KIAA0513: variants seen among roughly 807,000 people sequenced by gnomAD.
The protein encoded by KIAA0513 is uncharacterized protein KIAA0513.
Under a neutral mutation model 56.5 loss-of-function variants are expected in KIAA0513, and 39 were observed. The observed-to-expected ratio is 0.69, with a 90% CI of 0.53 to 0.90. The LOEUF is 0.90. Among genes scored for constraint, KIAA0513 ranks in the 40% least tolerant of loss-of-function variants. The probability of loss-of-function intolerance (pLI) is 0.00; values close to 1 mark genes in which losing one functional copy is unlikely to be tolerated. For synonymous variants in KIAA0513, 268 were observed against 215.6 expected (o/e 1.24, Z -2.13); for missense variants, 591 against 535.2 (o/e 1.10, Z -1.03).
chr16:85,029,135 A>G (rs1029578565), intron 1 of KIAA0513, among the ~76,000 whole-genome samples: 2 of 152,170 alleles, frequency 1.3e-5, no homozygotes, highest in Non-Finnish European at 2.9e-5. Flanking sequence ...CACTTTGTTC[A>G]GAAATAGGAC....
chr16:85,034,734 A>G (rs1358992714), intron 1 of KIAA0513, among the ~76,000 whole-genome samples: 4 of 152,160 alleles, frequency 2.6e-5, no homozygotes, highest in African/African-American at 7.2e-5. Context: ...TGGGGCTGTC[A>G]CTTTAGCCCT....
chr16:85,078,903 G>T (rs1162392632), intron 7 of KIAA0513, 22 bp from the exon 8 acceptor site: 2 of 1,614,024 alleles, frequency 1.2e-6, no homozygotes, highest in Non-Finnish European at 1.7e-6. Flanking sequence ...GCTGCTTTCA[G>T]CCATTCTCTC....
intron 4 of KIAA0513, among the ~76,000 whole-genome samples, chr16:85,073,292 C>T (rs2073606550): frequency 6.6e-6 from 1 of 152,166 alleles, no homozygotes; most frequent in Non-Finnish European, 1.5e-5. Context: ...GCACTGTGGC[C>T]CTGCCCTCCC....
intron 1 of KIAA0513, among the ~76,000 whole-genome samples, chr16:85,033,685 G>A (rs957383789): frequency 3.9e-5 from 6 of 152,136 alleles, no homozygotes; most frequent in Non-Finnish European, 8.8e-5. Context: ...GGATGGGGGA[G>A]GGTAGAGCAG....
intron 1 of KIAA0513, among the ~76,000 whole-genome samples, chr16:85,042,556 T>C (rs966312230): frequency 8.5e-5 from 13 of 152,214 alleles, no homozygotes; most frequent in African/African-American, 3.1e-4. Flanking sequence ...CTTTTAAGCC[T>C]TAAAGTTTCT....
At chr16:85,075,564 C>T (rs1422729373) in intron 4 of KIAA0513, among the ~76,000 whole-genome samples, 1 of 152,174 alleles carries the variant, frequency 6.6e-6, no homozygotes, top group Non-Finnish European at 1.5e-5. Context: ...TGGCTCTGCT[C>T]CTGGGCGTCA....
intron 1 of KIAA0513, among the ~76,000 whole-genome samples, chr16:85,047,702 C>T (rs1034290531): frequency 2.6e-5 from 4 of 152,092 alleles, no homozygotes; most frequent in African/African-American, 9.7e-5. Flanking sequence ...GGGATCTGGC[C>T]CACTGTCTCA....
In KIAA0513 at chr16:85,079,120, C is replaced by A. The variant is rs1036219370; in HGVS notation, c.902+117C>A. 1.9e-6 allele frequency: 3 copies of A among 1,550,232 alleles called. No homozygotes were observed. In the Admixed American group the frequency reaches 5.8e-5, roughly 30 times the overall value. On this transcript the variant is annotated intron_variant, in intron 8 of 12. Coordinates refer to ENST00000683363, the MANE Select transcript of KIAA0513 (RefSeq NM_001388359.1). ...CAGAATGGCAGAATTCTCACACTCACCAGAGTGGCAGAATAAAAAGATGAA... is the reference window on the plus strand; with the variant it reads ...CAGAATGGCAGAATTCTCACACTCAACAGAGTGGCAGAATAAAAAGATGAA...
intron 9 of KIAA0513, 110 bp from the exon 10 acceptor site, chr16:85,082,454 T>C (rs1214943578): frequency 2.0e-6 from 2 of 1,024,880 alleles, no homozygotes; most frequent in Non-Finnish European, 3.0e-6. Context: ...TCTGTCCCGC[T>C]CCGTTTCTGC....
At chr16:85,057,660 G>A (rs1444108939) in intron 1 of KIAA0513, among the ~76,000 whole-genome samples, 2 of 152,186 alleles carry the variant, frequency 1.3e-5, no homozygotes, top group African/African-American at 2.4e-5. Context: ...TATTGTCCTG[G>A]GATCTTCAGT....
rs1328066117 is a variant in KIAA0513, at chr16:85,067,203, G to C, written c.132G>C (p.Glu44Asp). 3.1e-6 allele frequency: 5 copies of C among 1,614,170 alleles called. No homozygotes were observed. The highest frequency in any genetic ancestry group is 2.5e-6 in the Non-Finnish European group (3 of 1,180,006). ...GCTCCCTGGGGGACGGTGCATCAGA[G>C]AGTGAGACCACTGAGTCTGCGGACA... ...GDGSLGDGAS[E>D]SETTESADSE... Residue 44 changes from glutamate to aspartate, a missense_variant, in exon 2 of 13, where the codon GAG becomes GAC. Transcript: ENST00000683363.
chr16:85,028,373 C>A (rs1352969733), intron 1 of KIAA0513, among the ~76,000 whole-genome samples: 2 of 152,086 alleles, frequency 1.3e-5, no homozygotes, highest in Non-Finnish European at 2.9e-5. Flanking sequence ...TCACCGCTCC[C>A]GGGGCTTAGC....
At chr16:85,078,016 TGACA>T (rs2073684294) in intron 6 of KIAA0513, among the ~76,000 whole-genome samples, 1 of 152,162 alleles carries the variant, frequency 6.6e-6, no homozygotes, top group African/African-American at 2.4e-5. Flanking sequence ...AGCAGGGCTC[TGACA>T]GACACTCGAG....
intron 2 of KIAA0513, among the ~76,000 whole-genome samples, chr16:85,068,058 G>C (rs575716659): frequency 6.6e-6 from 1 of 152,118 alleles, no homozygotes; most frequent in Non-Finnish European, 1.5e-5. Context: ...TGATCCACCC[G>C]CCTCAGCCTC....
intron 4 of KIAA0513, among the ~76,000 whole-genome samples, chr16:85,075,421 G>A (rs1239675405): frequency 6.6e-6 from 1 of 152,180 alleles, no homozygotes; most frequent in Admixed American, 6.5e-5. Context: ...AATGCTGTGG[G>A]CGGGAGCCTG....
chr16:85,032,909 C>T (rs1048713506), intron 1 of KIAA0513, among the ~76,000 whole-genome samples: 1 of 152,090 alleles, frequency 6.6e-6, no homozygotes, highest in African/African-American at 2.4e-5. Context: ...GGATTACAGG[C>T]ATAGAGACCG....
intron 10 of KIAA0513, 137 bp from the exon 11 acceptor site, chr16:85,086,507 G>A (rs901191213): frequency 3.1e-5 from 25 of 799,772 alleles, no homozygotes; most frequent in Non-Finnish European, 4.9e-5. Context: ...CGGCTCTCCG[G>A]TGGAAGGCAC....
Position 85,088,310 on chromosome 16 carries a change from A to C in KIAA0513, c.1221A>C (p.Gln407His). 6.2e-7 allele frequency: 1 copy of C among 1,611,820 alleles called. No individual in the cohort carries two copies. Among genetic ancestry groups the C allele is most frequent in the Non-Finnish European group, 8.5e-7 (1 of 1,179,908 alleles). ...AGCTGCTTAGTGACCACATTGAGCA[A>C]ATGGCCACTGAGTAGGCCCCAGAGG... Reference protein sequence around the residue: ...QYKLLSDHIEQMATE With the variant: ...QYKLLSDHIEHMATE Residue 407 changes from glutamine to histidine, a missense_variant, in exon 13 of 13, where the codon CAA becomes CAC. Coordinates refer to ENST00000683363, the MANE Select transcript of KIAA0513 (RefSeq NM_001388359.1).
intron 3 of KIAA0513, 127 bp downstream of exon 3, chr16:85,072,009 T>TA: frequency 6.1e-6 from 4 of 652,888 alleles, no homozygotes; most frequent in Non-Finnish European, 1.1e-5. Context: ...GACCCAACAG[T>TA]AAAAAAAGTA....
Sources: allele counts gnomAD v4.1 joint callset (sites outside exome capture counted in the v4.1 genomes callset), GRCh38; gene constraint gnomAD v4.1.1; transcripts MANE v1.5; gene names NCBI Gene and HGNC (gene_info 2026-07-23, HGNC 2026-07-21).